The following ZNF704 variants were observed in gnomAD, a reference collection of about 807,000 sequenced individuals.
ZNF704 encodes glucocorticoid induced gene 1.
In ZNF704, 10 loss-of-function variants were observed where a neutral mutation model predicts 44.7. The observed-to-expected ratio is 0.22, with a 90% CI of 0.14 to 0.38. ZNF704 has a LOEUF of 0.38. ZNF704 is among the 10% of genes least tolerant of loss of function. ZNF704 has a pLI of 1.00. For missense variants in ZNF704, 390 were observed against 545.5 expected (o/e 0.71, Z 2.84); for synonymous variants, 211 against 207.6 (o/e 1.02, Z -0.14).
At chr8:80,731,524 T>C (rs1161081077) in intron 2 of ZNF704, among the ~76,000 whole-genome samples, 3 of 152,234 alleles carry the variant, frequency 2.0e-5, no homozygotes, top group African/African-American at 7.2e-5. Flanking sequence ...AAATCATCTT[T>C]ATGAATTTCA....
At chr8:80,762,239 A>G (rs998833414) in intron 2 of ZNF704, among the ~76,000 whole-genome samples, 5 of 152,258 alleles carry the variant, frequency 3.3e-5, no homozygotes, top group African/African-American at 9.6e-5. Flanking sequence ...GGCAGAAGTC[A>G]TAAGTGACTG....
intron 3 of ZNF704, among the ~76,000 whole-genome samples, chr8:80,689,889 C>T (rs938212477): frequency 2.1e-4 from 32 of 152,238 alleles, no homozygotes; most frequent in African/African-American, 7.0e-4. Flanking sequence ...GACAGAGCCT[C>T]CTTATATTAA....
At chr8:80,655,617 T>C (rs532491786) in intron 7 of ZNF704, among the ~76,000 whole-genome samples, 1 of 152,318 alleles carries the variant, frequency 6.6e-6, no homozygotes, top group African/African-American at 2.4e-5. Flanking sequence ...GAGTAGAGGA[T>C]ATTACTTTAG....
chr8:80,654,756 GT>G (rs1262468538), intron 7 of ZNF704, among the ~76,000 whole-genome samples: 1 of 152,196 alleles, frequency 6.6e-6, no homozygotes, highest in East Asian at 1.9e-4. Flanking sequence ...CTGTAAACTA[GT>G]TCAACCATTG....
At chr8:80,763,074 C>T (rs1387855433) in intron 2 of ZNF704, among the ~76,000 whole-genome samples, 3 of 152,206 alleles carry the variant, frequency 2.0e-5, no homozygotes, top group Non-Finnish European at 4.4e-5. Flanking sequence ...CAGGGTACAA[C>T]CTTCCTCCTG....
In ZNF704 at chr8:80,693,197, A is replaced by C. The variant is rs1048164624; in HGVS notation, c.222-90T>G. On this transcript the variant is annotated intron_variant, in intron 2 of 8. Coordinates refer to ENST00000327835, the MANE Select transcript of ZNF704 (RefSeq NM_001033723.3). ...TGACACGCTGTCACGCATTTACTCC[A>C]TTAACTTATCCCCATGAACAACCGA... 17 of 1,072,302 alleles carry C rather than the reference A, an allele frequency of 1.6e-5. No homozygotes were observed. In the Admixed American group the frequency reaches 2.2e-4, roughly 14 times the overall value. 66.4% of individuals were successfully genotyped at this position (1,072,302 alleles called of 1,614,324 possible).
intron 2 of ZNF704, among the ~76,000 whole-genome samples, chr8:80,714,980 T>C (rs1819049495): frequency 6.6e-6 from 1 of 152,200 alleles, no homozygotes; most frequent in Admixed American, 6.5e-5. Context: ...TAGTGATTTC[T>C]AAGATTAAAA....
rs550917098 is a variant in ZNF704, at chr8:80,689,987, G to A, written c.326-2529C>T. ...TTCCTGATAGAATGATCCTTTTTAG[G>A]CACAGAAAATGATCACAACAGTTTC... On this transcript the variant is annotated intron_variant, in intron 3 of 8. Coordinates refer to ENST00000327835, the MANE Select transcript of ZNF704 (RefSeq NM_001033723.3). Among the ~76,000 whole-genome samples the A allele has an allele frequency of 3.3e-5, 5 of 151,646 alleles. No homozygotes were observed. The South Asian group carries it at 8.4e-4, about 25-fold the overall frequency.
chr8:80,753,752 C>A (rs1248280935), intron 2 of ZNF704, among the ~76,000 whole-genome samples: 1 of 152,182 alleles, frequency 6.6e-6, no homozygotes, highest in Non-Finnish European at 1.5e-5. Flanking sequence ...ATCATCCATG[C>A]TGGGGCTGTC....
chr8:80,831,878 T>A (rs760213147), intron 1 of ZNF704, among the ~76,000 whole-genome samples: 10 of 152,174 alleles, frequency 6.6e-5, no homozygotes, highest in Non-Finnish European at 1.5e-5. Context: ...TTCCCCCACA[T>A]TAGGATTGAT....
intron 2 of ZNF704, among the ~76,000 whole-genome samples, chr8:80,694,906 G>A (rs1818701265): frequency 1.3e-5 from 2 of 152,132 alleles, no homozygotes; most frequent in Non-Finnish European, 2.9e-5. Context: ...TTCAGAGGCT[G>A]ACAATTAAAA....
chr8:80,754,101 CA>C (rs1052340590), intron 2 of ZNF704, among the ~76,000 whole-genome samples: 4 of 152,198 alleles, frequency 2.6e-5, no homozygotes, highest in African/African-American at 9.7e-5. Context: ...TGTCTACTCC[CA>C]AACCTAAAGG....
At chr8:80,673,604 T>A (rs558225673) in intron 4 of ZNF704, among the ~76,000 whole-genome samples, 9 of 152,194 alleles carry the variant, frequency 5.9e-5, no homozygotes, top group Non-Finnish European at 1.3e-4. Flanking sequence ...TATGAAGCAA[T>A]CATTCACATA....
intron 1 of ZNF704, among the ~76,000 whole-genome samples, chr8:80,859,325 A>C (rs1291535585): frequency 6.6e-6 from 1 of 152,242 alleles, no homozygotes; most frequent in Non-Finnish European, 1.5e-5. Flanking sequence ...GTTGAAGTTA[A>C]TCTACCAGGG....
chr8:80,839,591 T>C (rs1226782640), intron 1 of ZNF704, among the ~76,000 whole-genome samples: 1 of 152,240 alleles, frequency 6.6e-6, no homozygotes. Context: ...TAATTCTTTA[T>C]AATACAGGTC....
chr8:80,694,063 G>A (rs185968706), intron 2 of ZNF704, among the ~76,000 whole-genome samples: 96 of 152,240 alleles, frequency 6.3e-4, no homozygotes, highest in Non-Finnish European at 1.0e-3. Context: ...AAAAGGGAGC[G>A]AGGAAGGCTG....
intron 2 of ZNF704, among the ~76,000 whole-genome samples, chr8:80,813,740 G>T (rs540352855): frequency 5.3e-5 from 8 of 152,184 alleles, no homozygotes; most frequent in African/African-American, 1.9e-4. Context: ...TTAGCCAGGC[G>T]TGGTGGTGGG....
At chr8:80,877,458 C>T (rs942777715), upstream of ZNF704, among the ~76,000 whole-genome samples, 5 of 152,196 alleles carry the variant, frequency 3.3e-5, no homozygotes, top group African/African-American at 4.8e-5. Flanking sequence ...ACACTACATG[C>T]ATGACATGGG....
At chr8:80,884,209 C>T in the ZNF704 span, among the ~76,000 whole-genome samples, 1 of 152,212 alleles carries the variant, frequency 6.6e-6, no homozygotes, top group Non-Finnish European at 1.5e-5. Context: ...GATATAAAGA[C>T]TGTCCTTCCG....
Sources: gnomAD v4.1 joint callset for allele counts (sites outside exome capture counted in the v4.1 genomes callset) on GRCh38, gnomAD v4.1.1 for gene constraint, MANE v1.5 for transcripts, NCBI Gene and HGNC (gene_info 2026-07-23, HGNC 2026-07-21) for gene names.